Variants in DSCAML1 observed in about 807,000 individuals in gnomAD.
The protein encoded by DSCAML1 is cell adhesion molecule DSCAML1.
In DSCAML1, 38 loss-of-function variants were observed where a neutral mutation model predicts 200.5. The observed-to-expected ratio is 0.19, with a 90% confidence interval of 0.15 to 0.25. The LOEUF is 0.25. Ranked by LOEUF, DSCAML1 falls within the 10% of genes least tolerant of loss-of-function variation. The pLI, the probability that DSCAML1 is intolerant of heterozygous loss-of-function variation, is 1.00. For missense variants in DSCAML1, 2,223 were observed against 2,858.8 expected (o/e 0.78, Z 5.07); for synonymous variants, 1,215 against 1,165.0 (o/e 1.04, Z -0.87).
chr11:117,526,623 A>G (rs576423034), intron 4 of DSCAML1, among the ~76,000 whole-genome samples: 230 of 152,038 alleles, frequency 1.5e-3, no homozygotes, highest in Non-Finnish European at 2.4e-3. Context: ...GGTTCAAGCA[A>G]TTCTCTGTCT....
At chr11:117,635,729 T>A (rs1485482176) in intron 3 of DSCAML1, among the ~76,000 whole-genome samples, 1 of 151,674 alleles carries the variant, frequency 6.6e-6, no homozygotes, top group Non-Finnish European at 1.5e-5. Context: ...GCAGAGTTTA[T>A]GAGAAAGGAG....
chr11:117,678,819 C>T (rs953186266), intron 3 of DSCAML1, among the ~76,000 whole-genome samples: 2 of 152,248 alleles, frequency 1.3e-5, no homozygotes, highest in Non-Finnish European at 2.9e-5. Flanking sequence ...CCAGGCTGAG[C>T]AGGGCCTTGT....
At chr11:117,626,052 G>C (rs1252934833) in intron 3 of DSCAML1, among the ~76,000 whole-genome samples, 1 of 152,188 alleles carries the variant, frequency 6.6e-6, no homozygotes, top group Non-Finnish European at 1.5e-5. Flanking sequence ...TGTGCAGCTG[G>C]GTTTCCCACA....
At chr11:117,548,575 C>T (rs571198391) in intron 3 of DSCAML1, among the ~76,000 whole-genome samples, 26 of 152,326 alleles carry the variant, frequency 1.7e-4, no homozygotes, top group African/African-American at 3.4e-4. Flanking sequence ...CACATTTGGA[C>T]GGGGTCATCT....
In DSCAML1 at chr11:117,758,562, C is replaced by T. The variant is rs944667564; in HGVS notation, c.511+18229G>A. ...GACTACAGGCGCCTACCACCACGTC[C>T]GGGTAATTTTTTTGTATTTTTAGTA... On this transcript the variant is annotated intron_variant, in intron 3 of 32. Coordinates refer to ENST00000651296, the MANE Select transcript of DSCAML1 (RefSeq NM_020693.4). Among the ~76,000 whole-genome samples the T allele has an allele frequency of 4.0e-5, 6 of 151,894 alleles. No individual in the cohort carries two copies. The East Asian group carries it at 9.9e-4, about 25-fold the overall frequency.
At chr11:117,549,866 C>T (rs2050439159) in intron 3 of DSCAML1, among the ~76,000 whole-genome samples, 1 of 152,198 alleles carries the variant, frequency 6.6e-6, no homozygotes, top group South Asian at 2.1e-4. Context: ...GTACATCAGC[C>T]ATGCCAGCCA....
rs60879756 is a variant in DSCAML1, at chr11:117,718,668, AC to A, written c.511+58122del. Among the ~76,000 whole-genome samples the A allele has an allele frequency of 8.6e-3, 222 of 25,790 alleles. 9 individuals carry two copies. The highest frequency in any genetic ancestry group is 0.048 in the Middle Eastern group (2 of 42). The allele number at this position is 25,790 out of a possible 152,430, so 16.9% of individuals were successfully genotyped here. ...CACACACACAAGATGAATACTCAAA[AC>A]CCCCCCCCCCCCCCATCATATGAGA... On this transcript the variant is annotated intron_variant, in intron 3 of 32. Coordinates refer to ENST00000651296, the MANE Select transcript of DSCAML1 (RefSeq NM_020693.4).
At chr11:117,813,761 A>C (rs12275489) in intron 1 of DSCAML1, among the ~76,000 whole-genome samples, 48 of 151,932 alleles carry the variant, frequency 3.2e-4, no homozygotes, top group Non-Finnish European at 1.3e-4. Flanking sequence ...TTCCCACGCC[A>C]CCCCTAATCC....
At chr11:117,656,550 T>C (rs1009733157) in intron 3 of DSCAML1, among the ~76,000 whole-genome samples, 63 of 152,156 alleles carry the variant, frequency 4.1e-4, no homozygotes, top group African/African-American at 1.5e-3. Context: ...TATCTATCCA[T>C]CCATCCACCC....
At chr11:117,627,990 G>T (rs2052091703) in intron 3 of DSCAML1, among the ~76,000 whole-genome samples, 1 of 152,070 alleles carries the variant, frequency 6.6e-6, no homozygotes, top group Non-Finnish European at 1.5e-5. Flanking sequence ...GCCCATCATG[G>T]TCCTGAGCAC....
At chr11:117,784,754 C>A (rs2055320971) in intron 1 of DSCAML1, among the ~76,000 whole-genome samples, 1 of 152,180 alleles carries the variant, frequency 6.6e-6, no homozygotes, top group Non-Finnish European at 1.5e-5. Flanking sequence ...CTCAGGCAAG[C>A]CGCTTAGCCC....
rs1227027819 is a variant in DSCAML1, at chr11:117,431,678, A to G, written c.5230T>C (p.Tyr1744His). The G allele has an allele frequency of 6.2e-7, 1 of 1,610,246 alleles. No homozygotes were observed. The highest frequency in any genetic ancestry group is 8.5e-7 in the Non-Finnish European group (1 of 1,177,592). ...TTGGTCAGGGTCCACTGGCTTGAGT[A>G]CCGGTTCCGGGTGCTGTGGGCTGAC... ...VKSAHSTRNR[Y>H]SSQWTLTKCQ... Residue 1744 changes from tyrosine (Y) to histidine (H), a missense_variant, in exon 31 of 33, where the codon TAC (tyrosine) becomes CAC (histidine). Physicochemically the swap from Tyr to His is moderately conservative, Grantham distance 83 (BLOSUM62 2). Coordinates refer to ENST00000651296, the MANE Select transcript of DSCAML1 (RefSeq NM_020693.4).
Position 117,642,328 on chromosome 11 carries a change from C to CT in DSCAML1, c.512-109807dup, listed in dbSNP as rs1025082430. Among the ~76,000 whole-genome samples, 10 of 151,752 alleles carry CT rather than the reference C, an allele frequency of 6.6e-5. No individual in the cohort carries two copies. In the East Asian group the frequency reaches 7.7e-4, roughly 12 times the overall value. ...CTTCCTATCTCACACCTGCCATCCTCTTTTTTTTTCTTGCTTGAGCTCTGG... is the reference window on the plus strand; with the variant it reads ...CTTCCTATCTCACACCTGCCATCCTCTTTTTTTTTTCTTGCTTGAGCTCTGG... On this transcript the variant is annotated intron_variant, in intron 3 of 32. Transcript: ENST00000651296. This position sits in a 1 kb window ranked among gnomAD's most constrained non-coding sequence, Gnocchi z 4.1.
intron 3 of DSCAML1, among the ~76,000 whole-genome samples, chr11:117,714,599 C>G (rs2053913498): frequency 6.6e-6 from 1 of 151,978 alleles, no homozygotes; most frequent in Admixed American, 6.6e-5. Flanking sequence ...GGTGATACAC[C>G]TGAGGTCAGG....
chr11:117,529,522 A>T (rs1395360243), intron 4 of DSCAML1, among the ~76,000 whole-genome samples: 1 of 152,134 alleles, frequency 6.6e-6, no homozygotes, highest in Non-Finnish European at 1.5e-5. Flanking sequence ...TGAGGCGGAG[A>T]TGGAAAGTTT....
Position 117,584,734 on chromosome 11 carries a change from C to T in DSCAML1, c.512-52212G>A, listed in dbSNP as rs145135560. On this transcript the variant is annotated intron_variant, in intron 3 of 32. Transcript: ENST00000651296. ...AGTGGACACTTGGGTTGGTTTTGAA[C>T]GGCTGTGAACGTTGCTTGCTACATT... Among the ~76,000 whole-genome samples the T allele has an allele frequency of 1.8e-3, 267 of 152,294 alleles. 1 individual carries two copies. The highest frequency in any genetic ancestry group is 5.8e-3 in the African/African-American group (240 of 41,566).
chr11:117,806,442 C>A (rs1042951468), intron 1 of DSCAML1, among the ~76,000 whole-genome samples: 2 of 152,174 alleles, frequency 1.3e-5, no homozygotes, highest in Non-Finnish European at 2.9e-5. Flanking sequence ...GCTGAACTGG[C>A]GGGCTAATTG....
chr11:117,525,104 GCAGCCCTGGC>G, intron 4 of DSCAML1, 21 bp from the exon 5 acceptor site: 1 of 1,516,584 alleles, frequency 6.6e-7, no homozygotes, highest in South Asian at 1.3e-5. Flanking sequence ...GAGAGGGTCG[GCAGCCCTGGC>G]CAGCCCTGGG....
Position 117,640,225 on chromosome 11 carries a change from C to T in DSCAML1, c.512-107703G>A, listed in dbSNP as rs1232687213. The stretch of plus-strand genomic sequence containing the variant: ...ACTTGCCACTCCCACCTGGCAAACC[C>T]GCCCCACAGCCCTCTCATGGACCAA... On this transcript the variant is annotated intron_variant, in intron 3 of 32. Coordinates refer to ENST00000651296, the MANE Select transcript of DSCAML1 (RefSeq NM_020693.4). Among the ~76,000 whole-genome samples the T allele has an allele frequency of 3.3e-5, 5 of 152,140 alleles. No individual in the cohort carries two copies. The South Asian group carries it at 6.2e-4, about 19-fold the overall frequency.
Sources: allele counts gnomAD v4.1 joint callset (sites outside exome capture counted in the v4.1 genomes callset), GRCh38; gene constraint gnomAD v4.1.1; non-coding constraint Gnocchi (gnomAD v3.1); transcripts MANE v1.5; gene names NCBI Gene and HGNC (gene_info 2026-07-23, HGNC 2026-07-21).